The following ORC4 variants were observed in gnomAD, a reference collection of about 807,000 sequenced individuals.
The protein encoded by ORC4 is origin recognition complex subunit 4, also known as origin recognition complex, subunit 4 homolog.
Under a neutral mutation model 63.9 loss-of-function variants are expected in ORC4, and 55 were observed. The observed-to-expected ratio is 0.86, with a 90% CI of 0.69 to 1.08. ORC4 has a LOEUF of 1.08. Among genes scored for constraint, ORC4 ranks in the 50% least tolerant of loss-of-function variants. ORC4 has a pLI of 0.00. For missense variants in ORC4, 511 were observed against 504.4 expected, an observed-to-expected ratio of 1.01 and a Z score of -0.13; for synonymous variants, 150 against 168.5, an observed-to-expected ratio of 0.89 and a Z score of 0.85.
intron 1 of ORC4, among the ~76,000 whole-genome samples, chr2:147,985,920 A>T (rs951801089): frequency 2.6e-5 from 4 of 152,026 alleles, no homozygotes; most frequent in African/African-American, 9.7e-5. Flanking sequence ...AACTGGCATG[A>T]AAAAAAACCC....
At chr2:147,992,900 C>G (rs1197544339) in intron 1 of ORC4, among the ~76,000 whole-genome samples, 1 of 152,156 alleles carries the variant, frequency 6.6e-6, no homozygotes, top group African/African-American at 2.4e-5. Context: ...ATATATTACT[C>G]TAATGTTCCC....
At chr2:147,951,288 T>C (rs563756239) in intron 8 of ORC4, among the ~76,000 whole-genome samples, 8 of 152,152 alleles carry the variant, frequency 5.3e-5, no homozygotes, top group Non-Finnish European at 1.0e-4. Flanking sequence ...AAGAAAGCTA[T>C]GGAGGCATGG....
intron 4 of ORC4, among the ~76,000 whole-genome samples, chr2:147,964,016 T>C (rs973514020): frequency 2.0e-5 from 3 of 152,088 alleles, no homozygotes; most frequent in Non-Finnish European, 2.9e-5. Context: ...CTTTTCTACC[T>C]GAGGCGTATC....
intron 1 of ORC4, among the ~76,000 whole-genome samples, chr2:147,989,415 C>T (rs990896534): frequency 6.6e-6 from 1 of 151,946 alleles, no homozygotes; most frequent in African/African-American, 2.4e-5. Flanking sequence ...TAAAAACATA[C>T]CACTTTTCGG....
At chr2:147,994,258 G>A (rs957364491) in intron 1 of ORC4, among the ~76,000 whole-genome samples, 4 of 152,094 alleles carry the variant, frequency 2.6e-5, no homozygotes, top group East Asian at 3.9e-4. Flanking sequence ...AAAAAAATTC[G>A]TATTGTTAAA....
At chr2:147,941,379 A>C (rs1181286582) in intron 10 of ORC4, among the ~76,000 whole-genome samples, 1 of 152,050 alleles carries the variant, frequency 6.6e-6, no homozygotes, top group Non-Finnish European at 1.5e-5. Context: ...TAATTTGCTA[A>C]ATAAATTGCT....
At chr2:147,962,674 G>A (rs940922249) in intron 4 of ORC4, among the ~76,000 whole-genome samples, 4 of 152,110 alleles carry the variant, frequency 2.6e-5, no homozygotes, top group Admixed American at 2.6e-4. Context: ...CCAAACCAGG[G>A]TGGGGCTCTC....
intron 1 of ORC4, among the ~76,000 whole-genome samples, chr2:148,006,183 AAAGTAAGT>A: frequency 6.6e-6 from 1 of 152,268 alleles, no homozygotes; most frequent in Admixed American, 6.5e-5. Flanking sequence ...AGAGAGAGCG[AAAGTAAGT>A]ATGGGACTTT....
chr2:147,998,179 A>C lies in ORC4; in HGVS notation c.-17-22204T>G, dbSNP rs536180381. ...TTAGATATTTTTGTAAACAATACAA[A>C]AAAGAAACAAAGGAGAAAGTGAAAA... On this transcript the variant is annotated intron_variant, in intron 1 of 13. Transcript: ENST00000392857. 3.0e-4 allele frequency among the ~76,000 whole-genome samples: 46 copies of C among 152,342 alleles called. No individual in the cohort carries two copies. The Middle Eastern group carries it at 0.01, about 34-fold the overall frequency.
At chr2:148,013,105 A>C (rs1461266865) in intron 1 of ORC4, among the ~76,000 whole-genome samples, 1 of 152,208 alleles carries the variant, frequency 6.6e-6, no homozygotes, top group Admixed American at 6.5e-5. Flanking sequence ...AGAGAAAGGA[A>C]ATCAGTATAT....
At chr2:148,003,476 G>A (rs1257136126) in intron 1 of ORC4, among the ~76,000 whole-genome samples, 2 of 152,108 alleles carry the variant, frequency 1.3e-5, no homozygotes, top group African/African-American at 4.8e-5. Context: ...ATCAATAAAT[G>A]TAATCCATCA....
At chr2:147,997,405 T>C (rs1002099188) in intron 1 of ORC4, among the ~76,000 whole-genome samples, 1 of 152,154 alleles carries the variant, frequency 6.6e-6, no homozygotes, top group African/African-American at 2.4e-5. Context: ...TTTAAAGAAA[T>C]AAGACATTTC....
In ORC4 at chr2:147,938,407, G is replaced by GA. The variant is rs760245539; in HGVS notation, c.959-15dup. 125 of 1,398,848 alleles carry GA rather than the reference G, an allele frequency of 8.9e-5. No individual in the cohort carries two copies. The highest frequency in any genetic ancestry group is 7.4e-4 in the Middle Eastern group (3 of 4,074). 86.7% of individuals were successfully genotyped at this position (1,398,848 alleles called of 1,614,324 possible). A position where few individuals can be genotyped will look rare whatever the true frequency, so the allele number is the denominator to read the frequency against. ...AGACTGATAGACCTACAGTAAAAGG[G>GA]AAAAAAAACTATCAGTTTAATGACA... On this transcript the variant is annotated splice_polypyrimidine_tract_variant and intron_variant, in intron 11 of 13. Coordinates refer to ENST00000392857, the MANE Select transcript of ORC4 (RefSeq NM_181741.4).
intron 9 of ORC4, among the ~76,000 whole-genome samples, chr2:147,945,910 C>G (rs141991907): frequency 7.9e-5 from 12 of 152,114 alleles, no homozygotes; most frequent in Non-Finnish European, 1.6e-4. Context: ...TATTCACATA[C>G]CAAAGACAGG....
chr2:148,005,219 T>C (rs1263652698), intron 1 of ORC4, among the ~76,000 whole-genome samples: 4 of 152,120 alleles, frequency 2.6e-5, no homozygotes, highest in Non-Finnish European at 5.9e-5. Context: ...TGGAATACTA[T>C]GAAGCCATAA....
At chr2:147,988,526 T>C (rs1376368588) in intron 1 of ORC4, among the ~76,000 whole-genome samples, 4 of 151,890 alleles carry the variant, frequency 2.6e-5, no homozygotes, top group Admixed American at 2.6e-4. Context: ...CCTGGCTAAT[T>C]TTTGCATTTT....
rs2105233237 is a variant in ORC4 at position 147,930,852 on chromosome 2, C to CTATG, written c.*4654_*4657dup. 2 of 130,650 alleles carry CTATG rather than the reference C, an allele frequency of 1.5e-5. No homozygotes were observed. The highest frequency in any genetic ancestry group is 4.8e-4 in the East Asian group (2 of 4,186). 8.1% of individuals were successfully genotyped at this position (130,650 alleles called of 1,614,324 possible). On this transcript the variant is annotated 3_prime_UTR_variant, in exon 14 of 14. Coordinates refer to ENST00000392857, the MANE Select transcript of ORC4 (RefSeq NM_181741.4). ...ATTTGCATATGCAGTTTTTCTTTAGCTATGTTTTTTTTTTTTTTTATACTT... is the reference window on the plus strand; with the variant it reads ...ATTTGCATATGCAGTTTTTCTTTAGCTATGTATGTTTTTTTTTTTTTTTATACTT...
At chr2:147,982,780 G>T (rs1296033748) in intron 1 of ORC4, among the ~76,000 whole-genome samples, 1 of 152,044 alleles carries the variant, frequency 6.6e-6, no homozygotes, top group Non-Finnish European at 1.5e-5. Flanking sequence ...ATATTTCAAA[G>T]ACAATTCTAA....
intron 4 of ORC4, among the ~76,000 whole-genome samples, chr2:147,961,350 T>C (rs1463373503): frequency 3.3e-5 from 5 of 151,162 alleles, no homozygotes; most frequent in Non-Finnish European, 5.9e-5. Context: ...TGTGGGAGGA[T>C]TGCTTGAGCC....
Sources: allele counts gnomAD v4.1 joint callset (sites outside exome capture counted in the v4.1 genomes callset), GRCh38; gene constraint gnomAD v4.1.1; transcripts MANE v1.5; gene names NCBI Gene and HGNC (gene_info 2026-07-23, HGNC 2026-07-21).